Variants in OMD observed in about 807,000 individuals in gnomAD.
OMD encodes KSPG osteomodulin.
OMD carries 19 observed loss-of-function variants against 31.2 expected under a neutral mutation model. The ratio of observed to expected loss-of-function variants is 0.61; its 90% CI spans 0.42 to 0.89. OMD has a LOEUF of 0.89. OMD is among the 40% of genes least tolerant of loss of function. The probability of loss-of-function intolerance (pLI) is 0.00; values close to 1 mark genes in which losing one functional copy is unlikely to be tolerated. For synonymous variants in OMD, 155 were observed against 166.4 expected, an observed-to-expected ratio of 0.93 and a Z score of 0.53; for missense variants, 448 against 490.8, an observed-to-expected ratio of 0.91 and a Z score of 0.82.
chr9:92,419,177 C>A (rs1413141588), intron 1 of OMD, among the ~76,000 whole-genome samples: 1 of 151,930 alleles, frequency 6.6e-6, no homozygotes, highest in African/African-American at 2.4e-5. Flanking sequence ...AGATGAGAAG[C>A]CTGAAACCTA....
intron 1 of OMD, among the ~76,000 whole-genome samples, chr9:92,419,299 CTTTTTTT>C (rs34582930): frequency 8.5e-6 from 1 of 117,112 alleles, no homozygotes; most frequent in Non-Finnish European, 1.7e-5. Flanking sequence ...TGCCTTGTGT[CTTTTTTT>C]TTTTTTTTTT....
chr9:92,415,049 A>G lies in OMD; in HGVS notation c.*103T>C, dbSNP rs969874900. ...TTCAATTCTGATCTTATACTAATAC[A>G]TAATTCTAAATATATTACTTTGAGT... On this transcript the variant is annotated 3_prime_UTR_variant, in exon 3 of 3. Transcript: ENST00000375550. 3.4e-6 allele frequency: 3 copies of G among 872,556 alleles called. No individual in the cohort carries two copies. The highest frequency in any genetic ancestry group is 3.4e-5 in the African/African-American group (2 of 58,346). 54.1% of individuals were successfully genotyped at this position (872,556 alleles called of 1,614,324 possible). A position where few individuals can be genotyped will look rare whatever the true frequency, so the allele number is the denominator to read the frequency against.
At position 92,417,226 on chromosome 9, in the gene OMD, G is replaced by T; in HGVS notation, c.333C>A (p.Phe111Leu). 6.2e-7 allele frequency: 1 copy of T among 1,613,980 alleles called. No homozygotes were observed. The highest frequency in any genetic ancestry group is 1.7e-4 in the Middle Eastern group (1 of 6,058). The change falls in exon 2 of 3, where the codon TTC (phenylalanine) becomes TTA (leucine). Residue 111 changes from phenylalanine (F) to leucine (L), a missense_variant. Transcript: ENST00000375550. ...TTTCTTTAAGATGAGTTGCATTGATGAATGAATTTGCAGTCACAGCCTCAA... is the reference window on the plus strand; with the variant it reads ...TTTCTTTAAGATGAGTTGCATTGATTAATGAATTTGCAGTCACAGCCTCAA... ...NEIEAVTANS[F>L]INATHLKEIN...
chr9:92,415,848 A>T lies in OMD; in HGVS notation c.941-371T>A, dbSNP rs570396811. On this transcript the variant is annotated intron_variant, in intron 2 of 2. Coordinates refer to ENST00000375550, the MANE Select transcript of OMD (RefSeq NM_005014.3). ...GACAATTTATACATATATATAAAAAAATATATATATATAAAATTATATATT... is the reference window on the plus strand; with the variant it reads ...GACAATTTATACATATATATAAAAATATATATATATATAAAATTATATATT... 5.4e-3 allele frequency among the ~76,000 whole-genome samples: 795 copies of T among 146,256 alleles called. 6 individuals are homozygous for T. The highest frequency in any genetic ancestry group is 4.8e-3 in the African/African-American group (194 of 40,590).
Position 92,416,599 on chromosome 9 carries a change from C to T in OMD, c.940+20G>A, listed in dbSNP as rs1843619938. On this transcript the variant is annotated intron_variant, in intron 2 of 2. Transcript: ENST00000375550. ...GATTCCATTCTTTCTCTCTTCAAAA[C>T]ACAATAAAAGTCTACATACTTTCTA... 7.2e-7 allele frequency: 1 copy of T among 1,383,580 alleles called. No homozygotes were observed. Among genetic ancestry groups the T allele is most frequent in the African/African-American group, 1.5e-5 (1 of 68,892 alleles). The allele number at this position is 1,383,580 out of a possible 1,614,324, so 85.7% of individuals were successfully genotyped here. A position where few individuals can be genotyped will look rare whatever the true frequency, so the allele number is the denominator to read the frequency against.
chr9:92,416,664 G>C lies in OMD; in HGVS notation c.895C>G (p.Pro299Ala). The C allele has an allele frequency of 6.2e-7, 1 of 1,604,760 alleles. No homozygotes were observed. Among genetic ancestry groups the C allele is most frequent in the Admixed American group, 1.7e-5 (1 of 57,756 alleles). ...AGGTATAGGTGTTCCAAATTTCTTG[G>C]AATATAGAATGCTTGCTTCAATTTG... ...HNKLKQAFYI[P>A]RNLEHLYLQN... The change falls in exon 2 of 3, where the codon CCA (proline) becomes GCA (alanine). Residue 299 changes from proline (P) to alanine (A), a missense_variant. By Grantham distance (27) the Pro-to-Ala change is conservative (BLOSUM62 -1). Coordinates refer to ENST00000375550, the MANE Select transcript of OMD (RefSeq NM_005014.3).
Position 92,414,324 on chromosome 9 carries a change from C to G in OMD, c.*828G>C, listed in dbSNP as rs1843525231. ...ACAAAGCAGTTATTTCTTTGCAAAT[C>G]ATTTTGTAACAAAGAGGCCTTTCTA... is the stretch of plus-strand genomic sequence containing the variant. On this transcript the variant is annotated 3_prime_UTR_variant, in exon 3 of 3. Coordinates refer to ENST00000375550, the MANE Select transcript of OMD (RefSeq NM_005014.3). 5.1e-6 allele frequency: 1 copy of G among 194,622 alleles called. No homozygotes were observed. The highest frequency in any genetic ancestry group is 2.3e-5 in the African/African-American group (1 of 43,222). The allele number at this position is 194,622 out of a possible 1,614,324, so 12.1% of individuals were successfully genotyped here. A position where few individuals can be genotyped will look rare whatever the true frequency, so the allele number is the denominator to read the frequency against.
intron 1 of OMD, among the ~76,000 whole-genome samples, chr9:92,423,827 C>T (rs1843886860): frequency 6.6e-6 from 1 of 152,122 alleles, no homozygotes; most frequent in East Asian, 1.9e-4. Context: ...TAGCATTGCT[C>T]AGCTGTATGC....
chr9:92,417,201 T>G lies in OMD; in HGVS notation c.358A>C (p.Ile120Leu). Residue 120 changes from isoleucine (I) to leucine (L), a missense_variant, in exon 2 of 3, where the codon ATT (isoleucine) becomes CTT (leucine). Physicochemically the swap from Ile to Leu is conservative, Grantham distance 5. Coordinates refer to ENST00000375550, the MANE Select transcript of OMD (RefSeq NM_005014.3). ...SFINATHLKE[I>L]NLSHNKIKSQ... ...TTAATTTTGTTGTGGCTGAGGTTAATTTCTTTAAGATGAGTTGCATTGATG... is the reference window on the plus strand; with the variant it reads ...TTAATTTTGTTGTGGCTGAGGTTAAGTTCTTTAAGATGAGTTGCATTGATG... The G allele has an allele frequency of 6.2e-7, 1 of 1,614,010 alleles. No individual in the cohort carries two copies.
chr9:92,419,510 A>G (rs1374592201), intron 1 of OMD, among the ~76,000 whole-genome samples: 1 of 152,072 alleles, frequency 6.6e-6, no homozygotes, highest in Non-Finnish European at 1.5e-5. Context: ...CATGTTGACC[A>G]GGCTGCTCTC....
intron 1 of OMD, among the ~76,000 whole-genome samples, chr9:92,418,020 G>A (rs1236135884): frequency 2.0e-5 from 3 of 152,054 alleles, no homozygotes; most frequent in African/African-American, 7.2e-5. Flanking sequence ...GAGCCACCAC[G>A]CCTGGCCTCA....
rs2130960309 is a variant in OMD at position 92,417,252 on chromosome 9, T to C, written c.307A>G (p.Ile103Val). 1.9e-6 allele frequency: 3 copies of C among 1,614,102 alleles called. No individual in the cohort carries two copies. In the East Asian group the frequency reaches 6.7e-5, roughly 36 times the overall value. The change falls in exon 2 of 3, where the codon ATT (isoleucine) becomes GTT (valine). Residue 103 changes from isoleucine to valine, a missense_variant. Physicochemically the swap from Ile to Val is conservative, Grantham distance 29 (BLOSUM62 3). Transcript: ENST00000375550. ...AATGAATTTGCAGTCACAGCCTCAA[T>C]TTCATTGAACTGAAGGTAGAGTTGC... Reference protein sequence around the residue: ...IQQLYLQFNEIEAVTANSFIN... With the variant: ...IQQLYLQFNEVEAVTANSFIN...
chr9:92,420,386 G>T lies in OMD; in HGVS notation c.-16-2812C>A, dbSNP rs75698799. On this transcript the variant is annotated intron_variant, in intron 1 of 2. Coordinates refer to ENST00000375550, the MANE Select transcript of OMD (RefSeq NM_005014.3). ...CTAAACTTTCTGGCTCCTTCAATCT[G>T]CCAAACTCCAACTCTGGTTACTCCA... Among the ~76,000 whole-genome samples, 731 of 152,144 alleles carry T rather than the reference G, an allele frequency of 4.8e-3. 4 individuals are homozygous for T. Among genetic ancestry groups the T allele is most frequent in the African/African-American group, 0.015 (637 of 41,478 alleles).
chr9:92,419,886 A>T (rs1011531847), intron 1 of OMD, among the ~76,000 whole-genome samples: 1 of 152,198 alleles, frequency 6.6e-6, no homozygotes, highest in Non-Finnish European at 1.5e-5. Flanking sequence ...TCATTGGTAT[A>T]ATTGAGAGAA....
At chr9:92,415,561 G>T (rs1019578450) in intron 2 of OMD, 84 bp from the exon 3 acceptor site, 3 of 630,108 alleles carry the variant, frequency 4.8e-6, no homozygotes, top group African/African-American at 1.9e-5. Context: ...ATTTTATATT[G>T]TATGGGATAT....
intron 1 of OMD, among the ~76,000 whole-genome samples, chr9:92,422,015 A>G (rs748080641): frequency 7.2e-5 from 11 of 152,032 alleles, no homozygotes; most frequent in Non-Finnish European, 2.9e-5. Flanking sequence ...GTATAATTTT[A>G]TAATATTTTA....
chr9:92,415,852 T>C (rs1843578246), intron 2 of OMD, among the ~76,000 whole-genome samples: 1 of 146,462 alleles, frequency 6.8e-6, no homozygotes, highest in African/African-American at 2.5e-5. Flanking sequence ...TAAAAAAATA[T>C]ATATATATAA....
intron 1 of OMD, among the ~76,000 whole-genome samples, chr9:92,421,578 A>G (rs1843795203): frequency 6.6e-6 from 1 of 152,190 alleles, no homozygotes; most frequent in Non-Finnish European, 1.5e-5. Flanking sequence ...GGAAATGCTT[A>G]TTCACCTAGT....
intron 1 of OMD, among the ~76,000 whole-genome samples, chr9:92,420,530 C>T (rs1843758611): frequency 6.6e-6 from 1 of 152,164 alleles, no homozygotes; most frequent in African/African-American, 2.4e-5. Context: ...TGTCCTGCTG[C>T]ATTTCCTTAG....
Sources: allele counts gnomAD v4.1 joint callset (sites outside exome capture counted in the v4.1 genomes callset), GRCh38; gene constraint gnomAD v4.1.1; transcripts MANE v1.5; gene names NCBI Gene and HGNC (gene_info 2026-07-23, HGNC 2026-07-21).